The following ASTN2 variants were observed in gnomAD, a reference collection of about 807,000 sequenced individuals.
ASTN2 encodes the protein astrotactin 2.
ASTN2 carries 54 observed loss-of-function variants against 139.8 expected under a neutral mutation model. That is an observed-to-expected ratio of 0.39 (90% confidence interval 0.31 to 0.48). The LOEUF is 0.48. Among genes scored for constraint, ASTN2 ranks in the 20% least tolerant of loss-of-function variants. The probability of loss-of-function intolerance (pLI) is 0.95; values close to 1 mark genes in which losing one functional copy is unlikely to be tolerated. For missense variants in ASTN2, 1,565 were observed against 1,725.1 expected (o/e 0.91, Z 1.64); for synonymous variants, 756 against 719.5 (o/e 1.05, Z -0.81).
chr9:116,467,416 G>A (rs964920718), intron 20 of ASTN2, among the ~76,000 whole-genome samples: 4 of 152,218 alleles, frequency 2.6e-5, no homozygotes, highest in East Asian at 1.9e-4. Flanking sequence ...ACAGGCGCAC[G>A]CCACCACTTC....
At chr9:116,481,574 CAT>C (rs1264035007) in intron 20 of ASTN2, among the ~76,000 whole-genome samples, 1 of 152,120 alleles carries the variant, frequency 6.6e-6, no homozygotes, top group Non-Finnish European at 1.5e-5. Context: ...TTTTGAAAAA[CAT>C]AGAGTGGCAC....
At chr9:116,626,412 T>G (rs1283233276) in intron 17 of ASTN2, among the ~76,000 whole-genome samples, 1 of 152,018 alleles carries the variant, frequency 6.6e-6, no homozygotes, top group Non-Finnish European at 1.5e-5. Context: ...TACTTATATT[T>G]AAATATGTTT....
intron 6 of ASTN2, among the ~76,000 whole-genome samples, chr9:117,036,724 C>G (rs996833917): frequency 6.6e-6 from 1 of 152,118 alleles, no homozygotes; most frequent in African/African-American, 2.4e-5. Flanking sequence ...CCATTTCTTC[C>G]TGCAATAACC....
intron 6 of ASTN2, among the ~76,000 whole-genome samples, chr9:117,022,876 G>C (rs916089273): frequency 1.6e-4 from 25 of 152,112 alleles, no homozygotes; most frequent in African/African-American, 6.0e-4. Context: ...CTCAGAGGCA[G>C]GTCTGAGAAG....
At chr9:116,850,296 C>G (rs1282765810) in intron 11 of ASTN2, among the ~76,000 whole-genome samples, 1 of 152,156 alleles carries the variant, frequency 6.6e-6, no homozygotes, top group Non-Finnish European at 1.5e-5. Context: ...GGGTGAAGTG[C>G]ACATCATCCC....
intron 10 of ASTN2, among the ~76,000 whole-genome samples, chr9:116,914,712 C>T (rs1024124781): frequency 6.6e-6 from 1 of 151,854 alleles, no homozygotes; most frequent in Non-Finnish European, 1.5e-5. Flanking sequence ...GGTGGCAGGA[C>T]CAAGAATTAT....
chr9:117,007,877 C>G (rs1837402152), intron 7 of ASTN2, among the ~76,000 whole-genome samples: 1 of 152,204 alleles, frequency 6.6e-6, no homozygotes, highest in African/African-American at 2.4e-5. Flanking sequence ...CTCTGTGGTC[C>G]TTTCTTACTC....
intron 17 of ASTN2, among the ~76,000 whole-genome samples, chr9:116,626,519 T>G (rs1311725079): frequency 6.6e-6 from 1 of 152,164 alleles, no homozygotes; most frequent in African/African-American, 2.4e-5. Flanking sequence ...GCATCTCTTT[T>G]GGTCACCATA....
intron 10 of ASTN2, among the ~76,000 whole-genome samples, chr9:116,938,651 C>A (rs1375601653): frequency 6.6e-6 from 1 of 152,186 alleles, no homozygotes; most frequent in Non-Finnish European, 1.5e-5. Context: ...TCATGGCCAG[C>A]CCTTTGCCCC....
chr9:116,895,135 A>G (rs1833851643), intron 10 of ASTN2, among the ~76,000 whole-genome samples: 1 of 152,212 alleles, frequency 6.6e-6, no homozygotes, highest in Non-Finnish European at 1.5e-5. Flanking sequence ...TGAGTGCGAC[A>G]TGACACCTCA....
chr9:116,441,004 G>A (rs973483208), intron 21 of ASTN2, among the ~76,000 whole-genome samples: 4 of 152,276 alleles, frequency 2.6e-5, no homozygotes, highest in Admixed American at 6.5e-5. Flanking sequence ...TTCTGGAGGT[G>A]CATTGGGAGA....
At chr9:116,774,399 A>G (rs1260619069) in intron 13 of ASTN2, among the ~76,000 whole-genome samples, 1 of 152,184 alleles carries the variant, frequency 6.6e-6, no homozygotes, top group Non-Finnish European at 1.5e-5. Context: ...AAAGTAAGCT[A>G]TTTGGGAGTG....
chr9:116,831,077 TTAAA>T (rs1831799955), intron 11 of ASTN2, among the ~76,000 whole-genome samples: 1 of 151,976 alleles, frequency 6.6e-6, no homozygotes, highest in Non-Finnish European at 1.5e-5. Context: ...TTATCATAAG[TTAAA>T]TAACTCAGAA....
intron 19 of ASTN2, among the ~76,000 whole-genome samples, chr9:116,544,087 A>G (rs1277932352): frequency 6.6e-6 from 1 of 152,166 alleles, no homozygotes; most frequent in Non-Finnish European, 1.5e-5. Context: ...CGACTGCCAA[A>G]ACGACCTTCT....
At chr9:117,328,823 C>T (rs1828604983) in intron 1 of ASTN2, among the ~76,000 whole-genome samples, 1 of 152,188 alleles carries the variant, frequency 6.6e-6, no homozygotes, top group African/African-American at 2.4e-5. Context: ...CAACAGGTCG[C>T]TGTGAGAAGT....
intron 16 of ASTN2, among the ~76,000 whole-genome samples, chr9:116,718,048 T>G (rs182716989): frequency 5.2e-3 from 791 of 152,358 alleles, no homozygotes; most frequent in Non-Finnish European, 8.7e-3. Context: ...GAGAGAAAGA[T>G]GTAAACTAAT....
intron 3 of ASTN2, among the ~76,000 whole-genome samples, chr9:117,192,614 G>A (rs991982637): frequency 7.9e-5 from 12 of 152,312 alleles, no homozygotes; most frequent in African/African-American, 2.6e-4. Flanking sequence ...TGTCTACCTA[G>A]TCTTGTTTGA....
At chr9:117,404,104 A>T (rs1830915054) in intron 1 of ASTN2, among the ~76,000 whole-genome samples, 1 of 152,232 alleles carries the variant, frequency 6.6e-6, no homozygotes, top group Admixed American at 6.5e-5. Context: ...TGCTTTGCAC[A>T]CACTATCTCC....
At chr9:116,537,854 C>T (rs1057226795) in intron 19 of ASTN2, among the ~76,000 whole-genome samples, 5 of 152,132 alleles carry the variant, frequency 3.3e-5, no homozygotes, top group African/African-American at 1.2e-4. Context: ...GCCATGAAAG[C>T]AGGGATTAGG....
Sources: gnomAD v4.1 joint callset for allele counts (sites outside exome capture counted in the v4.1 genomes callset) on GRCh38, gnomAD v4.1.1 for gene constraint, MANE v1.5 for transcripts, NCBI Gene and HGNC (gene_info 2026-07-23, HGNC 2026-07-21) for gene names.